DGKB: variants seen among roughly 807,000 people sequenced by gnomAD.
DGKB encodes 90 kDa diacylglycerol kinase.
Under a neutral mutation model 114.3 loss-of-function variants are expected in DGKB, and 67 were observed. The observed-to-expected ratio is 0.59, with a 90% confidence interval of 0.48 to 0.72. DGKB has a LOEUF of 0.72. DGKB is among the 30% of genes least tolerant of loss of function. DGKB has a pLI of 0.00. For missense variants in DGKB, 907 were observed against 975.2 expected (o/e 0.93, Z 0.93); for synonymous variants, 398 against 323.1 (o/e 1.23, Z -2.49).
At chr7:14,492,088 T>C (rs915778963) in intron 20 of DGKB, among the ~76,000 whole-genome samples, 1 of 152,126 alleles carries the variant, frequency 6.6e-6, no homozygotes, top group South Asian at 2.1e-4. Flanking sequence ...GATAAAAGTG[T>C]TTTGTTTATA....
At chr7:14,418,850 G>T (rs747806729) in intron 21 of DGKB, among the ~76,000 whole-genome samples, 1 of 151,972 alleles carries the variant, frequency 6.6e-6, no homozygotes, top group Non-Finnish European at 1.5e-5. Flanking sequence ...ACAAAAAGGT[G>T]AGAAATTCAT....
chr7:14,832,247 G>C (rs1192574512), intron 2 of DGKB, among the ~76,000 whole-genome samples: 1 of 152,088 alleles, frequency 6.6e-6, no homozygotes, highest in East Asian at 1.9e-4. Flanking sequence ...ATAGACTCAA[G>C]CAAACTGAAT....
chr7:14,678,527 G>C (rs1462926780), intron 12 of DGKB, among the ~76,000 whole-genome samples: 3 of 152,064 alleles, frequency 2.0e-5, no homozygotes, highest in Non-Finnish European at 2.9e-5. Context: ...AGCTATGGCA[G>C]AGGGTGTGTG....
intron 2 of DGKB, among the ~76,000 whole-genome samples, chr7:14,776,163 G>C (rs568001752): frequency 6.6e-6 from 1 of 152,222 alleles, no homozygotes; most frequent in African/African-American, 2.4e-5. Context: ...TTGAACTTGA[G>C]AGAAATGATT....
At chr7:14,342,241 T>C (rs539818131) in intron 22 of DGKB, among the ~76,000 whole-genome samples, 2 of 151,962 alleles carry the variant, frequency 1.3e-5, no homozygotes, top group Admixed American at 6.6e-5. Context: ...TTCTTGGCTT[T>C]AAAATTTACC....
chr7:14,735,413 C>CT (rs1037883453), intron 5 of DGKB, among the ~76,000 whole-genome samples: 19 of 152,244 alleles, frequency 1.2e-4, no homozygotes, highest in African/African-American at 4.3e-4. Flanking sequence ...TCTCTTTTTG[C>CT]TTTTTCAATC....
intron 17 of DGKB, among the ~76,000 whole-genome samples, chr7:14,592,926 C>G (rs994984890): frequency 6.6e-6 from 1 of 151,802 alleles, no homozygotes; most frequent in African/African-American, 2.4e-5. Flanking sequence ...GCACCTGTTT[C>G]AACAAATTCG....
intron 23 of DGKB, among the ~76,000 whole-genome samples, chr7:14,289,519 T>C (rs950044670): frequency 2.6e-5 from 4 of 152,102 alleles, no homozygotes; most frequent in Non-Finnish European, 5.9e-5. Context: ...GAAGATGATG[T>C]ATATTGTCTA....
chr7:14,279,784 C>T (rs898642217), intron 23 of DGKB, among the ~76,000 whole-genome samples: 1 of 149,352 alleles, frequency 6.7e-6, no homozygotes, highest in African/African-American at 2.5e-5. Context: ...TCCAACAGAC[C>T]TGCAGCTGAG....
intron 21 of DGKB, among the ~76,000 whole-genome samples, chr7:14,406,786 TC>T (rs1165168300): frequency 3.9e-5 from 6 of 152,134 alleles, no homozygotes; most frequent in Non-Finnish European, 8.8e-5. Context: ...ATATTGCATC[TC>T]ATCTTATGGA....
chr7:14,276,579 A>G (rs974650664), intron 23 of DGKB, among the ~76,000 whole-genome samples: 58 of 152,226 alleles, frequency 3.8e-4, no homozygotes, highest in African/African-American at 1.3e-3. Context: ...CATGTTAGAA[A>G]AATTACTGGA....
intron 21 of DGKB, among the ~76,000 whole-genome samples, chr7:14,412,792 G>T (rs1296264736): frequency 1.3e-5 from 2 of 151,984 alleles, no homozygotes; most frequent in African/African-American, 2.4e-5. Flanking sequence ...GACCAGCCTG[G>T]CCAACACAGC....
intron 1 of DGKB, among the ~76,000 whole-genome samples, chr7:14,932,653 A>G (rs1321948068): frequency 2.0e-5 from 3 of 152,216 alleles, no homozygotes; most frequent in Admixed American, 6.5e-5. Flanking sequence ...AATTTCAAAC[A>G]TAAGTCACTT....
At chr7:14,462,169 G>A (rs900299806) in intron 21 of DGKB, among the ~76,000 whole-genome samples, 1 of 152,122 alleles carries the variant, frequency 6.6e-6, no homozygotes, top group Non-Finnish European at 1.5e-5. Flanking sequence ...GGCAAAAGCT[G>A]GAACTATTCC....
At chr7:14,594,090 CAATGAGATCTTTA>C (rs1802142729) in intron 17 of DGKB, among the ~76,000 whole-genome samples, 1 of 151,976 alleles carries the variant, frequency 6.6e-6, no homozygotes, top group African/African-American at 2.4e-5. Context: ...AAATATAAGC[CAATGAGATCTTTA>C]AACTAACTTT....
intron 2 of DGKB, among the ~76,000 whole-genome samples, chr7:14,809,300 T>C (rs1017769493): frequency 1.8e-4 from 28 of 152,252 alleles, no homozygotes; most frequent in Admixed American, 8.5e-4. Context: ...ACTCCTGCTA[T>C]AGTCCTAGTG....
rs376668731 is a variant in DGKB at position 14,448,475 on chromosome 7, G to A, written c.1835+29686C>T. ...GTCTGCCTGTAGTTTTGATAAGACT[G>A]GAAAGTGGAAGGCAGATGGTAGTAA... On this transcript the variant is annotated intron_variant, in intron 21 of 25. Transcript: ENST00000402815. 1.4e-4 allele frequency among the ~76,000 whole-genome samples: 21 copies of A among 152,122 alleles called. No homozygotes were observed. In the East Asian group the frequency reaches 3.9e-3, roughly 28 times the overall value.
intron 13 of DGKB, among the ~76,000 whole-genome samples, chr7:14,661,461 C>T (rs79735273): frequency 0.63 from 72,766 of 115,026 alleles, 24,097 homozygotes; most frequent in East Asian, 0.74. Flanking sequence ...AAAATGCTCA[C>T]CGTCACTGGC....
intron 2 of DGKB, among the ~76,000 whole-genome samples, chr7:14,778,234 G>C (rs557575985): frequency 4.6e-5 from 7 of 152,112 alleles, no homozygotes; most frequent in Non-Finnish European, 1.0e-4. Context: ...GGAACTTATT[G>C]TTATTTTATC....
Sources: gnomAD v4.1 joint callset for allele counts (sites outside exome capture counted in the v4.1 genomes callset) on GRCh38, gnomAD v4.1.1 for gene constraint, MANE v1.5 for transcripts, NCBI Gene and HGNC (gene_info 2026-07-23, HGNC 2026-07-21) for gene names.